The following ALDH7A1 variants were observed in gnomAD, a reference collection of about 807,000 sequenced individuals.
ALDH7A1 encodes the protein aldehyde dehydrogenase 7 family member A1, also known as alpha-aminoadipic semialdehyde dehydrogenase.
Under a neutral mutation model 79.9 loss-of-function variants are expected in ALDH7A1, and 63 were observed. The ratio of observed to expected loss-of-function variants is 0.79; its 90% CI spans 0.64 to 0.97. ALDH7A1 has a LOEUF of 0.97. Ranked by LOEUF, ALDH7A1 falls within the 50% of genes least tolerant of loss-of-function variation. The pLI is 0.00. For synonymous variants in ALDH7A1, 240 were observed against 231.2 expected (o/e 1.04, Z -0.34); for missense variants, 627 against 665.2 (o/e 0.94, Z 0.63).
At chr5:126,583,428 C>A (rs1275492368) in intron 4 of ALDH7A1, among the ~76,000 whole-genome samples, 1 of 151,740 alleles carries the variant, frequency 6.6e-6, no homozygotes, top group Non-Finnish European at 1.5e-5. Flanking sequence ...TTGCAGTGAG[C>A]CAAGATCCTG....
chr5:126,589,457 A>G (rs1199503337), intron 3 of ALDH7A1, among the ~76,000 whole-genome samples: 1 of 150,718 alleles, frequency 6.6e-6, no homozygotes, highest in African/African-American at 2.4e-5. Flanking sequence ...TGCCTGGTCT[A>G]TTTTTTTGTT....
At position 126,577,220 on chromosome 5, in the gene ALDH7A1, A is replaced by T; in HGVS notation, c.518-9T>A. ...CAGTGCATGGCCAGATCCTGAGGAC[A>T]GAAAAAGGATGGAACATGCAGAAGC... On this transcript the variant is annotated splice_polypyrimidine_tract_variant and intron_variant, in intron 5 of 17. Transcript: ENST00000409134. 6.2e-7 allele frequency: 1 copy of T among 1,614,162 alleles called. No individual in the cohort carries two copies. Among genetic ancestry groups the T allele is most frequent in the Non-Finnish European group, 8.5e-7 (1 of 1,180,018 alleles).
chr5:126,547,337 G>A (rs1369619728), intron 16 of ALDH7A1, among the ~76,000 whole-genome samples: 5 of 152,170 alleles, frequency 3.3e-5, no homozygotes, highest in Non-Finnish European at 7.3e-5. Flanking sequence ...GGGAGAGAGC[G>A]AATAAAAGCA....
intron 7 of ALDH7A1, among the ~76,000 whole-genome samples, chr5:126,574,034 A>G (rs1429380034): frequency 6.6e-6 from 1 of 151,062 alleles, no homozygotes; most frequent in Non-Finnish European, 1.5e-5. Context: ...AAAAAAAAAA[A>G]AAAAAAAAAA....
intron 12 of ALDH7A1, 188 bp from the exon 13 acceptor site, chr5:126,554,581 T>A (rs965586628): frequency 2.4e-5 from 15 of 624,786 alleles, no homozygotes; most frequent in Middle Eastern, 4.0e-4. Flanking sequence ...ACATACGTGA[T>A]CTCCATCCCA....
intron 8 of ALDH7A1, chr5:126,569,189 G>C (rs182045402): frequency 2.0e-4 from 30 of 152,360 alleles, no homozygotes; most frequent in African/African-American, 6.5e-4. Flanking sequence ...AAGGGATCTA[G>C]ATTGCATGCT....
At chr5:126,552,491 C>T (rs1167786389) in intron 13 of ALDH7A1, among the ~76,000 whole-genome samples, 1 of 152,188 alleles carries the variant, frequency 6.6e-6, no homozygotes, top group African/African-American at 2.4e-5. Flanking sequence ...CTCCCGGGTT[C>T]AAGCCATCCT....
intron 5 of ALDH7A1, chr5:126,581,191 G>T: frequency 6.6e-6 from 1 of 150,812 alleles, no homozygotes. Flanking sequence ...GTATAAGATT[G>T]GTTCTTACAG....
intron 9 of ALDH7A1, chr5:126,567,999 G>A (rs770981762): frequency 5.4e-5 from 21 of 392,168 alleles, no homozygotes; most frequent in Non-Finnish European, 8.7e-5. Context: ...TAGCCAGGAT[G>A]GTCTGGATCT....
chr5:126,568,850 C>T (rs1750683966), intron 8 of ALDH7A1: 3 of 173,410 alleles, frequency 1.7e-5, no homozygotes, highest in Admixed American at 1.1e-4. Context: ...AACTGGGAGG[C>T]GGAGGTTGCA....
chr5:126,545,676 C>T (rs1171929559), intron 17 of ALDH7A1, among the ~76,000 whole-genome samples: 1 of 148,590 alleles, frequency 6.7e-6, no homozygotes, highest in Non-Finnish European at 1.5e-5. Context: ...ATGACAGCTA[C>T]TTGGGAGGCT....
Position 126,544,848 on chromosome 5 carries a change from AGTCACT to A in ALDH7A1, c.*111_*116del. 1 of 798,694 alleles carries A rather than the reference AGTCACT, an allele frequency of 1.3e-6. No individual in the cohort carries two copies. The highest frequency in any genetic ancestry group is 1.4e-5 in the South Asian group (1 of 69,454). 49.5% of individuals were successfully genotyped at this position (798,694 alleles called of 1,614,324 possible). A position where few individuals can be genotyped will look rare whatever the true frequency, so the allele number is the denominator to read the frequency against. ...AGGGCTTTGGGGTCATAGGGGGATT[AGTCACT>A]GTCACAGTCATAATAATGCATTTAT... is the stretch of plus-strand genomic sequence containing the variant. On this transcript the variant is annotated 3_prime_UTR_variant, in exon 18 of 18. Coordinates refer to ENST00000409134, the MANE Select transcript of ALDH7A1 (RefSeq NM_001182.5).
At chr5:126,558,094 G>C (rs898244839) in intron 11 of ALDH7A1, among the ~76,000 whole-genome samples, 1 of 138,948 alleles carries the variant, frequency 7.2e-6, no homozygotes, top group African/African-American at 2.7e-5. Flanking sequence ...CTTGAATCCA[G>C]GAGGTGGAGG....
chr5:126,551,875 T>C (rs1232334760), intron 14 of ALDH7A1, 146 bp downstream of exon 14: 3 of 731,182 alleles, frequency 4.1e-6, no homozygotes, highest in East Asian at 2.7e-5. Context: ...GTTTATCTCA[T>C]ATTTTATCCT....
At chr5:126,572,711 AGAGATTT>A (rs1269830345) in intron 7 of ALDH7A1, among the ~76,000 whole-genome samples, 2 of 152,196 alleles carry the variant, frequency 1.3e-5, no homozygotes, top group African/African-American at 4.8e-5. Flanking sequence ...AATTGTTACA[AGAGATTT>A]TGGTTTCTGT....
rs1198710748 is a variant in ALDH7A1 at position 126,583,981 on chromosome 5, C to T, written c.344G>A (p.Arg115Lys). ...IPAPKRGEIV[R>K]QIGDALREKI... ...CTCCCGCAAGGCATCGCCAATCTGT[C>T]TTACTATTTCTCCTCGTTTTGGAGC... The change falls in exon 4 of 18, where the codon AGA becomes AAA. Residue 115 changes from arginine to lysine, a missense_variant. Coordinates refer to ENST00000409134, the MANE Select transcript of ALDH7A1 (RefSeq NM_001182.5). 1 of 1,614,198 alleles carries T rather than the reference C, an allele frequency of 6.2e-7. No individual in the cohort carries two copies. Among genetic ancestry groups the T allele is most frequent in the East Asian group, 2.2e-5 (1 of 44,878 alleles).
intron 5 of ALDH7A1, chr5:126,581,549 G>A (rs1254685736): frequency 6.6e-6 from 1 of 152,072 alleles, no homozygotes; most frequent in African/African-American, 2.4e-5. Flanking sequence ...TGATCCCGGG[G>A]ATGTTGAGGC....
At chr5:126,559,062 C>T (rs1472932462) in intron 11 of ALDH7A1, among the ~76,000 whole-genome samples, 178 bp downstream of exon 11, 1 of 152,154 alleles carries the variant, frequency 6.6e-6, no homozygotes, top group Admixed American at 6.5e-5. Flanking sequence ...AGGCAAAGTC[C>T]CTGAATGATT....
At position 126,584,161 on chromosome 5, in the gene ALDH7A1, G is replaced by A. The variant is rs529418245; in HGVS notation, c.313-149C>T. ...CAAAACTGTGATATGGCCAGGCACT[G>A]GAGCCAAAATAAGAAGCAAGGCATT... is the stretch of plus-strand genomic sequence containing the variant. On this transcript the variant is annotated intron_variant, in intron 3 of 17. Transcript: ENST00000409134. 941 of 719,744 alleles carry A rather than the reference G, an allele frequency of 1.3e-3. 3 individuals carry two copies. The highest frequency in any genetic ancestry group is 2.2e-3 in the South Asian group (135 of 61,920). 44.6% of individuals were successfully genotyped at this position (719,744 alleles called of 1,614,324 possible).
Sources: gnomAD v4.1 joint callset for allele counts (sites outside exome capture counted in the v4.1 genomes callset) on GRCh38, gnomAD v4.1.1 for gene constraint, MANE v1.5 for transcripts, NCBI Gene and HGNC (gene_info 2026-07-23, HGNC 2026-07-21) for gene names.